The following ADAMTSL1 variants were observed in gnomAD, a reference collection of about 807,000 sequenced individuals.
ADAMTSL1 encodes ADAMTS-like protein 1.
ADAMTSL1 carries 126 observed loss-of-function variants against 201.8 expected under a neutral mutation model. The observed-to-expected ratio is 0.62, with a 90% CI of 0.54 to 0.72. ADAMTSL1 has a LOEUF of 0.72. Among genes scored for constraint, ADAMTSL1 ranks in the 30% least tolerant of loss-of-function variants. ADAMTSL1 has a pLI of 0.00. For synonymous variants in ADAMTSL1, 1,121 were observed against 903.4 expected (o/e 1.24, Z -4.32); for missense variants, 2,679 against 2,277.8 (o/e 1.18, Z -3.59).
At chr9:18,743,852 G>C (rs550867798) in intron 15 of ADAMTSL1, among the ~76,000 whole-genome samples, 1 of 152,244 alleles carries the variant, frequency 6.6e-6, no homozygotes, top group African/African-American at 2.4e-5. Flanking sequence ...AGAATACAGT[G>C]GTTTTAAGGG....
intron 2 of ADAMTSL1, among the ~76,000 whole-genome samples, chr9:18,335,420 G>A (rs1485871279): frequency 6.6e-6 from 1 of 151,986 alleles, no homozygotes; most frequent in Non-Finnish European, 1.5e-5. Context: ...CCAACCTACT[G>A]ACCACAGATT....
chr9:18,412,255 A>AT (rs1195130257), intron 2 of ADAMTSL1, among the ~76,000 whole-genome samples: 4 of 152,188 alleles, frequency 2.6e-5, no homozygotes, highest in Admixed American at 6.5e-5. Context: ...CTATTGCATC[A>AT]TATTGTGATA....
chr9:18,404,708 A>G (rs1303400326), intron 2 of ADAMTSL1, among the ~76,000 whole-genome samples: 1 of 152,198 alleles, frequency 6.6e-6, no homozygotes, highest in Non-Finnish European at 1.5e-5. Context: ...GAAAAACAGT[A>G]AATTTCCATT....
At chr9:18,409,636 T>G (rs150510793) in intron 2 of ADAMTSL1, among the ~76,000 whole-genome samples, 4,584 of 151,062 alleles carry the variant, frequency 0.03, 163 homozygotes, top group Admixed American at 0.11. Flanking sequence ...TTTTTTGTGT[T>G]CTTTTCCTAG....
chr9:17,958,251 G>T (rs1402649645), intron 1 of ADAMTSL1, among the ~76,000 whole-genome samples: 1 of 152,086 alleles, frequency 6.6e-6, no homozygotes, highest in Non-Finnish European at 1.5e-5. Flanking sequence ...TATTACAGCA[G>T]TGTGGTATTT....
intron 2 of ADAMTSL1, among the ~76,000 whole-genome samples, chr9:18,425,690 A>C (rs1170715383): frequency 2.0e-5 from 3 of 151,710 alleles, no homozygotes; most frequent in African/African-American, 7.3e-5. Flanking sequence ...CCCATCTCTA[A>C]ATAAGTTTAA....
intron 2 of ADAMTSL1, among the ~76,000 whole-genome samples, chr9:18,520,145 C>T (rs979282040): frequency 2.6e-5 from 4 of 152,174 alleles, no homozygotes; most frequent in Non-Finnish European, 5.9e-5. Context: ...ATAATATTCT[C>T]ATGTGGGTCT....
At chr9:18,307,183 T>A (rs1833943637) in intron 2 of ADAMTSL1, among the ~76,000 whole-genome samples, 1 of 151,906 alleles carries the variant, frequency 6.6e-6, no homozygotes, top group Non-Finnish European at 1.5e-5. Context: ...TTACAAAAGC[T>A]CCTGAAGGAA....
At chr9:18,540,986 G>T (rs1434526891) in intron 3 of ADAMTSL1, among the ~76,000 whole-genome samples, 1 of 152,100 alleles carries the variant, frequency 6.6e-6, no homozygotes, top group East Asian at 1.9e-4. Flanking sequence ...ACCCATCCAT[G>T]CTTCAATCTT....
intron 2 of ADAMTSL1, among the ~76,000 whole-genome samples, chr9:18,424,461 T>C (rs2133374898): frequency 6.6e-6 from 1 of 152,254 alleles, no homozygotes; most frequent in East Asian, 1.9e-4. Flanking sequence ...CATCAATCAA[T>C]ATATAACATA....
At chr9:18,574,696 G>C (rs3739569) in intron 4 of ADAMTSL1, among the ~76,000 whole-genome samples, 34,664 of 151,852 alleles carry the variant, frequency 0.23, 4,397 homozygotes, top group East Asian at 0.6. Flanking sequence ...CAAGTAAACT[G>C]TAGGAAAACT....
intron 14 of ADAMTSL1, among the ~76,000 whole-genome samples, chr9:18,712,243 A>T (rs1014520597): frequency 1.3e-5 from 2 of 152,392 alleles, no homozygotes; most frequent in East Asian, 1.9e-4. Context: ...ACAAAGCTGG[A>T]CGGAGAATGA....
At chr9:18,211,579 T>C (rs958046416) in intron 2 of ADAMTSL1, among the ~76,000 whole-genome samples, 1 of 152,214 alleles carries the variant, frequency 6.6e-6, no homozygotes, top group African/African-American at 2.4e-5. Flanking sequence ...ACAGACCACA[T>C]GTCCCCACTC....
At chr9:18,638,075 T>C (rs1310621343) in intron 6 of ADAMTSL1, among the ~76,000 whole-genome samples, 1 of 152,050 alleles carries the variant, frequency 6.6e-6, no homozygotes, top group African/African-American at 2.4e-5. Context: ...CAATATTCCT[T>C]TAATGTGCCC....
chr9:18,851,262 G>A (rs1245359196), intron 23 of ADAMTSL1, among the ~76,000 whole-genome samples: 2 of 152,084 alleles, frequency 1.3e-5, no homozygotes, highest in African/African-American at 2.4e-5. Flanking sequence ...GATCAACACA[G>A]AAGCAATGGT....
At chr9:18,447,063 A>T (rs942343064) in intron 2 of ADAMTSL1, among the ~76,000 whole-genome samples, 1 of 152,176 alleles carries the variant, frequency 6.6e-6, no homozygotes, top group African/African-American at 2.4e-5. Context: ...TGGGTTGTTT[A>T]CATAGTTTTT....
Position 18,771,907 on chromosome 9 carries a change from C to T in ADAMTSL1, c.2397+1126C>T, listed in dbSNP as rs532859704. On this transcript the variant is annotated intron_variant, in intron 17 of 28. Transcript: ENST00000380548. ...CCACATAGAATTCCATGAGATGGTG[C>T]CTGCTAAGTGCATTGCAATTAAGAG... is the stretch of plus-strand genomic sequence containing the variant. Among the ~76,000 whole-genome samples, 6 of 152,178 alleles carry T rather than the reference C, an allele frequency of 3.9e-5. No homozygotes were observed. In the South Asian group the frequency reaches 1.2e-3, roughly 32 times the overall value.
intron 15 of ADAMTSL1, among the ~76,000 whole-genome samples, chr9:18,736,479 A>G (rs990599068): frequency 2.6e-5 from 4 of 152,210 alleles, no homozygotes; most frequent in Non-Finnish European, 5.9e-5. Context: ...TTGACAATGT[A>G]ACTGACCCAT....
At chr9:18,369,767 C>G (rs1178717293) in intron 2 of ADAMTSL1, among the ~76,000 whole-genome samples, 5 of 152,062 alleles carry the variant, frequency 3.3e-5, no homozygotes, top group Admixed American at 6.6e-5. Flanking sequence ...TCAATGGATG[C>G]CTGGAAGAAG....
Sources: allele counts gnomAD v4.1 joint callset (sites outside exome capture counted in the v4.1 genomes callset), GRCh38; gene constraint gnomAD v4.1.1; transcripts MANE v1.5; gene names NCBI Gene and HGNC (gene_info 2026-07-23, HGNC 2026-07-21).